Variants in SCLT1 observed in about 807,000 individuals in gnomAD.
SCLT1 encodes sodium channel-associated protein 1.
In SCLT1, 78 loss-of-function variants were observed where a neutral mutation model predicts 112.8. That is an observed-to-expected ratio of 0.69 (90% confidence interval 0.58 to 0.83). The LOEUF (loss-of-function observed/expected upper bound fraction) is 0.83, where lower values mean the gene tolerates loss of function less well. SCLT1 is among the 40% of genes least tolerant of loss of function. The probability of loss-of-function intolerance (pLI) is 0.00; values close to 1 mark genes in which losing one functional copy is unlikely to be tolerated. For synonymous variants in SCLT1, 257 were observed against 254.7 expected (o/e 1.01, Z -0.09); for missense variants, 747 against 770.4 (o/e 0.97, Z 0.36).
At chr4:129,066,668 T>C (rs183558186) in intron 2 of SCLT1, among the ~76,000 whole-genome samples, 1 of 152,200 alleles carries the variant, frequency 6.6e-6, no homozygotes, top group East Asian at 1.9e-4. Context: ...CATTTTGGTA[T>C]AGTAATACAA....
chr4:129,084,022 T>A (rs370706915), intron 1 of SCLT1, among the ~76,000 whole-genome samples: 1 of 152,208 alleles, frequency 6.6e-6, no homozygotes, highest in South Asian at 2.1e-4. Context: ...CTTATCAAAG[T>A]AAGACTAGAA....
At chr4:129,024,355 C>T (rs1349417537) in intron 5 of SCLT1, among the ~76,000 whole-genome samples, 1 of 152,160 alleles carries the variant, frequency 6.6e-6, no homozygotes, top group Non-Finnish European at 1.5e-5. Flanking sequence ...ACAAAACTTC[C>T]AGAGGAACGA....
chr4:129,064,186 T>C (rs1274100352), intron 2 of SCLT1, among the ~76,000 whole-genome samples: 1 of 152,210 alleles, frequency 6.6e-6, no homozygotes, highest in Non-Finnish European at 1.5e-5. Context: ...TTTGTTAAAC[T>C]GTTGAATTTT....
In SCLT1 at chr4:128,970,704, A is replaced by T. The variant is rs564390424; in HGVS notation, c.687-236T>A. The T allele has an allele frequency of 2.5e-5, 10 of 399,152 alleles. No individual in the cohort carries two copies. In the East Asian group the frequency reaches 4.1e-4, roughly 17 times the overall value. 24.7% of individuals were successfully genotyped at this position (399,152 alleles called of 1,614,324 possible). On this transcript the variant is annotated intron_variant, in intron 9 of 20. Coordinates refer to ENST00000281142, the MANE Select transcript of SCLT1 (RefSeq NM_144643.4). ...ATGAAGTAGAGGTCATGAATGCTGT[A>T]CTTGGGTAAATTATATTATATACCA...
At chr4:128,902,652 G>T (rs897256133) in intron 18 of SCLT1, among the ~76,000 whole-genome samples, 1 of 152,148 alleles carries the variant, frequency 6.6e-6, no homozygotes, top group African/African-American at 2.4e-5. Context: ...GAAGGCCTAG[G>T]ACATTACTTT....
At chr4:128,980,561 G>C (rs1260509359) in intron 9 of SCLT1, among the ~76,000 whole-genome samples, 1 of 150,298 alleles carries the variant, frequency 6.7e-6, no homozygotes, top group East Asian at 1.9e-4. Context: ...AATTTTGCTA[G>C]CATATTTTAA....
chr4:128,969,272 C>T (rs1740469980), intron 10 of SCLT1, among the ~76,000 whole-genome samples: 1 of 152,026 alleles, frequency 6.6e-6, no homozygotes, highest in African/African-American at 2.4e-5. Context: ...AGTATTTCTT[C>T]TTTAAATTTC....
In SCLT1 at chr4:128,990,207, T is replaced by C. The variant is rs142245495; in HGVS notation, c.686+1960A>G. On this transcript the variant is annotated intron_variant, in intron 9 of 20. Coordinates refer to ENST00000281142, the MANE Select transcript of SCLT1 (RefSeq NM_144643.4). Reference sequence around the variant, plus strand: ...ACAGATGCAAAAATCCTCAACAAAATATTAGGAAACTCAATTCAACAACAC... The same window carrying C: ...ACAGATGCAAAAATCCTCAACAAAACATTAGGAAACTCAATTCAACAACAC... Among the ~76,000 whole-genome samples, 283 of 152,000 alleles carry C rather than the reference T, an allele frequency of 1.9e-3. 1 individual carries two copies. The highest frequency in any genetic ancestry group is 3.4e-3 in the Middle Eastern group (1 of 294).
At chr4:128,974,686 T>C (rs2126040193) in intron 9 of SCLT1, among the ~76,000 whole-genome samples, 1 of 152,286 alleles carries the variant, frequency 6.6e-6, no homozygotes, top group African/African-American at 2.4e-5. Flanking sequence ...CTTTTAAAAT[T>C]TTTGAAGGAA....
intron 18 of SCLT1, among the ~76,000 whole-genome samples, chr4:128,929,290 T>C (rs1736564436): frequency 6.6e-6 from 1 of 152,198 alleles, no homozygotes; most frequent in African/African-American, 2.4e-5. Context: ...TGAACTTTAC[T>C]GAGACATTAA....
chr4:129,020,158 T>C (rs1328945723), intron 5 of SCLT1, among the ~76,000 whole-genome samples: 1 of 152,220 alleles, frequency 6.6e-6, no homozygotes, highest in Non-Finnish European at 1.5e-5. Context: ...TATCTGTTAC[T>C]TATCCTACTT....
chr4:128,929,469 G>A (rs1224007150), intron 18 of SCLT1, among the ~76,000 whole-genome samples: 3 of 152,200 alleles, frequency 2.0e-5, no homozygotes, highest in Admixed American at 2.0e-4. Context: ...ATTCTAATAT[G>A]AATACAGAAA....
chr4:128,912,166 T>C (rs1420987236), intron 18 of SCLT1, among the ~76,000 whole-genome samples: 1 of 152,226 alleles, frequency 6.6e-6, no homozygotes, highest in Non-Finnish European at 1.5e-5. Flanking sequence ...CCATTTACTT[T>C]TAAAATGCTC....
intron 4 of SCLT1, chr4:129,039,887 AGT>A (rs1225471057): frequency 1.2e-5 from 3 of 254,422 alleles, no homozygotes; most frequent in Admixed American, 6.5e-5. Flanking sequence ...GCAAATGGAG[AGT>A]GTGCGCGCGC....
chr4:129,000,524 T>G (rs1314033183), intron 6 of SCLT1, among the ~76,000 whole-genome samples: 4 of 152,010 alleles, frequency 2.6e-5, no homozygotes, highest in Non-Finnish European at 5.9e-5. Flanking sequence ...AATAATATGT[T>G]AACATTTTTC....
At chr4:128,905,086 A>T (rs1253489008) in intron 18 of SCLT1, among the ~76,000 whole-genome samples, 1 of 152,106 alleles carries the variant, frequency 6.6e-6, no homozygotes, top group African/African-American at 2.4e-5. Context: ...CCTACTTGAC[A>T]CGTTTACTAG....
At chr4:128,997,822 A>G in intron 8 of SCLT1, 52 bp downstream of exon 8, 1 of 833,950 alleles carries the variant, frequency 1.2e-6, no homozygotes. Flanking sequence ...ACATAAATAA[A>G]TATGATTATT....
intron 5 of SCLT1, among the ~76,000 whole-genome samples, chr4:129,004,250 G>A (rs1208687272): frequency 6.6e-6 from 1 of 151,926 alleles, no homozygotes; most frequent in East Asian, 1.9e-4. Flanking sequence ...TCAATTAAAT[G>A]AAAATTATAT....
chr4:128,882,702 A>G (rs1445699250), downstream of SCLT1, among the ~76,000 whole-genome samples: 1 of 152,200 alleles, frequency 6.6e-6, no homozygotes, highest in Non-Finnish European at 1.5e-5. Flanking sequence ...TTCCAAAAAG[A>G]AAGAGTTAAC....
Sources: gnomAD v4.1 joint callset for allele counts (sites outside exome capture counted in the v4.1 genomes callset) on GRCh38, gnomAD v4.1.1 for gene constraint, MANE v1.5 for transcripts, NCBI Gene and HGNC (gene_info 2026-07-23, HGNC 2026-07-21) for gene names.